Variants in GABRG2 observed in about 807,000 individuals in gnomAD.
The protein encoded by GABRG2 is gamma-aminobutyric acid type A receptor subunit gamma2, also known as gamma-aminobutyric acid receptor subunit gamma-2.
GABRG2 carries 16 observed loss-of-function variants against 56.4 expected under a neutral mutation model. That is an observed-to-expected ratio of 0.28 (90% CI 0.19 to 0.43). The LOEUF (loss-of-function observed/expected upper bound fraction) is 0.43. Ranked by LOEUF, GABRG2 falls within the 20% of genes least tolerant of loss-of-function variation. The pLI, the probability that GABRG2 is intolerant of heterozygous loss-of-function variation, is 1.00. For missense variants in GABRG2, 327 were observed against 582.7 expected (o/e 0.56, Z 4.52); for synonymous variants, 208 against 205.5 (o/e 1.01, Z -0.10).
At chr5:162,081,041 T>C (rs1759620577) in intron 1 of GABRG2, among the ~76,000 whole-genome samples, 2 of 152,122 alleles carry the variant, frequency 1.3e-5, no homozygotes, top group African/African-American at 4.8e-5. Context: ...TTTAAGGGAT[T>C]CTCATAGAGA....
intron 6 of GABRG2, among the ~76,000 whole-genome samples, chr5:162,114,566 A>T (rs1762482620): frequency 6.6e-6 from 1 of 152,058 alleles, no homozygotes; most frequent in African/African-American, 2.4e-5. Context: ...TAAGATAAAT[A>T]AAGGGCAAAG....
At chr5:162,122,898 A>C (rs563978096) in intron 6 of GABRG2, among the ~76,000 whole-genome samples, 17 of 151,816 alleles carry the variant, frequency 1.1e-4, no homozygotes, top group African/African-American at 4.1e-4. Context: ...AAAAGAAAAC[A>C]TTAAAATTAC....
chr5:162,077,304 T>C (rs548983503), intron 1 of GABRG2, among the ~76,000 whole-genome samples: 26 of 152,280 alleles, frequency 1.7e-4, no homozygotes, highest in Non-Finnish European at 2.8e-4. Context: ...CTTCTTTTGC[T>C]CAACATAATA....
intron 1 of GABRG2, among the ~76,000 whole-genome samples, chr5:162,079,902 C>T (rs1759513266): frequency 6.6e-6 from 1 of 152,116 alleles, no homozygotes; most frequent in African/African-American, 2.4e-5. Context: ...ACCTCAGCCT[C>T]CTGAGTAGCT....
At chr5:162,140,231 T>C (rs1385211210) in intron 6 of GABRG2, among the ~76,000 whole-genome samples, 3 of 152,218 alleles carry the variant, frequency 2.0e-5, no homozygotes, top group Admixed American at 6.5e-5. Flanking sequence ...TGATGTCCCA[T>C]TGGAAGCCTA....
intron 1 of GABRG2, among the ~76,000 whole-genome samples, chr5:162,080,332 A>G (rs762727691): frequency 6.6e-6 from 1 of 152,158 alleles, no homozygotes. Context: ...GCAATTATGA[A>G]TAATGGATAA....
At position 162,151,708 on chromosome 5, in the gene GABRG2, T is replaced by A. The variant is rs753854680; in HGVS notation, c.1129-22T>A. ...TTTATTAAAAACAAATGCAATTCTC[T>A]TTTCTGTCTACAAACCCAAAGCTTC... On this transcript the variant is annotated intron_variant, in intron 8 of 9. Transcript: ENST00000639213. The A allele has an allele frequency of 4.4e-6, 7 of 1,601,214 alleles. 1 individual carries two copies. In the African/African-American group the frequency reaches 5.4e-5, roughly 12 times the overall value.
chr5:162,107,025 A>T (rs888695826), intron 6 of GABRG2, among the ~76,000 whole-genome samples: 1 of 151,880 alleles, frequency 6.6e-6, no homozygotes, highest in African/African-American at 2.4e-5. Context: ...CTTCCCAAAG[A>T]CCTCAGTGTC....
chr5:162,135,827 A>T (rs1240397271), intron 6 of GABRG2, among the ~76,000 whole-genome samples: 2 of 152,094 alleles, frequency 1.3e-5, no homozygotes, highest in African/African-American at 4.8e-5. Context: ...AACTACAAGA[A>T]CCCCAATCAG....
intron 6 of GABRG2, among the ~76,000 whole-genome samples, chr5:162,112,427 C>A (rs181417852): frequency 6.6e-6 from 1 of 151,178 alleles, no homozygotes; most frequent in Non-Finnish European, 1.5e-5. Context: ...TTTGAAAATG[C>A]AAAAATGTGA....
intron 6 of GABRG2, among the ~76,000 whole-genome samples, chr5:162,118,892 T>G (rs1283485931): frequency 3.3e-5 from 5 of 152,082 alleles, no homozygotes; most frequent in African/African-American, 1.2e-4. Context: ...AAGGAAAGGA[T>G]AAAGAATGCT....
chr5:162,136,747 G>A lies in GABRG2; in HGVS notation c.770-5417G>A, dbSNP rs543541757. Among the ~76,000 whole-genome samples the A allele has an allele frequency of 3.0e-4, 45 of 152,298 alleles. No individual in the cohort carries two copies. The South Asian group carries it at 4.3e-3, about 15-fold the overall frequency. On this transcript the variant is annotated intron_variant, in intron 6 of 9. Coordinates refer to ENST00000639213, the MANE Select transcript of GABRG2 (RefSeq NM_198904.4). ...GCCTGGGCTTTCTCCGAAGAGGAGC[G>A]TGGACCTATTTAAGTTTAGTGAACA...
chr5:162,141,237 C>A (rs1487934126), intron 6 of GABRG2, among the ~76,000 whole-genome samples: 1 of 152,102 alleles, frequency 6.6e-6, no homozygotes, highest in Non-Finnish European at 1.5e-5. Flanking sequence ...CGGGGTTTCA[C>A]CGTGTTAGCC....
chr5:162,090,212 C>T (rs996736367), intron 1 of GABRG2, among the ~76,000 whole-genome samples: 6 of 151,836 alleles, frequency 4.0e-5, no homozygotes, highest in Admixed American at 6.6e-5. Context: ...AAAGCAGGAA[C>T]GTGAGAATTT....
At chr5:162,106,564 A>G (rs1050245153) in intron 6 of GABRG2, among the ~76,000 whole-genome samples, 1 of 152,166 alleles carries the variant, frequency 6.6e-6, no homozygotes, top group African/African-American at 2.4e-5. Context: ...TCTACAAGGA[A>G]GTTATGTTTA....
At chr5:162,135,811 G>C (rs931768960) in intron 6 of GABRG2, among the ~76,000 whole-genome samples, 2 of 152,142 alleles carry the variant, frequency 1.3e-5, no homozygotes, top group African/African-American at 4.8e-5. Context: ...AGGAAGGCAT[G>C]TAAAGAACTA....
intron 1 of GABRG2, among the ~76,000 whole-genome samples, chr5:162,071,280 G>A (rs935775473): frequency 5.8e-4 from 87 of 150,572 alleles, no homozygotes; most frequent in African/African-American, 2.0e-3. Context: ...ATACCCTAAA[G>A]GGAAAAAAAT....
chr5:162,113,300 A>G (rs1762386683), intron 6 of GABRG2, among the ~76,000 whole-genome samples: 1 of 152,172 alleles, frequency 6.6e-6, no homozygotes, highest in Admixed American at 6.5e-5. Context: ...CTTTACAGTT[A>G]ACATAGAAAA....
At chr5:162,150,222 A>G (rs1307600208) in intron 8 of GABRG2, 2 of 152,282 alleles carry the variant, frequency 1.3e-5, no homozygotes, top group Admixed American at 1.3e-4. Flanking sequence ...TGGGGCTCCT[A>G]TGAGAAATAA....
Sources: allele counts gnomAD v4.1 joint callset (sites outside exome capture counted in the v4.1 genomes callset), GRCh38; gene constraint gnomAD v4.1.1; transcripts MANE v1.5; gene names NCBI Gene and HGNC (gene_info 2026-07-23, HGNC 2026-07-21).